Variants in RARB observed in about 807,000 individuals in gnomAD.
The protein encoded by RARB is retinoic acid receptor beta.
A neutral mutation model predicts 51.9 loss-of-function variants in RARB; 17 were observed. The ratio of observed to expected loss-of-function variants is 0.33; its 90% confidence interval spans 0.22 to 0.49. RARB has a LOEUF of 0.49. Ranked by LOEUF, RARB falls within the 20% of genes least tolerant of loss-of-function variation. The probability of loss-of-function intolerance (pLI) is 0.99; values close to 1 mark genes in which losing one functional copy is unlikely to be tolerated. For missense variants in RARB, 369 were observed against 550.8 expected (o/e 0.67, Z 3.30); for synonymous variants, 215 against 195.4 (o/e 1.10, Z -0.84).
intron 1 of RARB, among the ~76,000 whole-genome samples, chr3:25,429,988 G>C (rs1350503098): frequency 6.6e-6 from 1 of 152,186 alleles, no homozygotes; most frequent in Non-Finnish European, 1.5e-5. Context: ...CTAATAACAT[G>C]GTGGCTTATC....
chr3:25,214,854 T>C (rs1012183638), intron 5 of RARB, among the ~76,000 whole-genome samples: 10 of 152,320 alleles, frequency 6.6e-5, no homozygotes, highest in Admixed American at 2.6e-4. Flanking sequence ...GTAGTTAGCA[T>C]AGAAGAAGAC....
At chr3:25,521,122 C>T (rs1387330559) in intron 3 of RARB, among the ~76,000 whole-genome samples, 1 of 152,186 alleles carries the variant, frequency 6.6e-6, no homozygotes, top group Admixed American at 6.5e-5. Flanking sequence ...ATGTCTGGGT[C>T]TCCCCCATCA....
At chr3:25,558,503 C>T (rs1218096171) in intron 3 of RARB, among the ~76,000 whole-genome samples, 1 of 149,684 alleles carries the variant, frequency 6.7e-6, no homozygotes, top group Non-Finnish European at 1.5e-5. Flanking sequence ...CAACTACTAG[C>T]AATTCCCAAG....
intron 4 of RARB, among the ~76,000 whole-genome samples, chr3:25,153,943 G>A (rs1244952270): frequency 6.6e-6 from 1 of 152,230 alleles, no homozygotes; most frequent in Non-Finnish European, 1.5e-5. Flanking sequence ...GACATTTACT[G>A]AGGCTTCTGA....
chr3:25,098,389 A>G (rs768315744), intron 3 of RARB, among the ~76,000 whole-genome samples: 1 of 152,186 alleles, frequency 6.6e-6, no homozygotes. Flanking sequence ...ATCGTGCTGT[A>G]TTATTCATGC....
At chr3:25,162,520 A>T (rs899042335) in intron 4 of RARB, among the ~76,000 whole-genome samples, 1 of 152,164 alleles carries the variant, frequency 6.6e-6, no homozygotes, top group Non-Finnish European at 1.5e-5. Flanking sequence ...ATCACAATCT[A>T]ATTGCAGAAT....
intron 2 of RARB, among the ~76,000 whole-genome samples, chr3:25,006,765 A>G (rs1697280136): frequency 6.6e-6 from 1 of 152,170 alleles, no homozygotes; most frequent in African/African-American, 2.4e-5. Flanking sequence ...AGTTGAGACC[A>G]CTGTTACTCC....
rs542189219 is a variant in RARB, at chr3:25,536,284, T to C, written c.449-33474T>C. On this transcript the variant is annotated intron_variant, in intron 3 of 7. Transcript: ENST00000330688. ...AGTTAGAGACAAAGCCAGGCCTAGA[T>C]ACCATAGTCTGCAGAATTCCAGTCT... 1.2e-4 allele frequency among the ~76,000 whole-genome samples: 19 copies of C among 152,338 alleles called. No homozygotes were observed. The East Asian group carries it at 3.5e-3, about 28-fold the overall frequency.
chr3:25,005,870 A>T (rs75485375), intron 2 of RARB, among the ~76,000 whole-genome samples: 1 of 152,118 alleles, frequency 6.6e-6, no homozygotes, highest in African/African-American at 2.4e-5. Flanking sequence ...ACTTAGCATA[A>T]GAGTCAAAGT....
At chr3:24,930,893 G>A (rs1245737449) in intron 2 of RARB, among the ~76,000 whole-genome samples, 1 of 152,076 alleles carries the variant, frequency 6.6e-6, no homozygotes, top group Non-Finnish European at 1.5e-5. Context: ...CCCATTTGCA[G>A]TTCTAGTTAC....
At chr3:24,885,098 T>G (rs949438690) in intron 2 of RARB, among the ~76,000 whole-genome samples, 1 of 152,128 alleles carries the variant, frequency 6.6e-6, no homozygotes, top group African/African-American at 2.4e-5. Flanking sequence ...TTAGAATTAC[T>G]ACATAATTTA....
At chr3:25,561,877 T>C (rs1700282670) in intron 3 of RARB, among the ~76,000 whole-genome samples, 1 of 152,220 alleles carries the variant, frequency 6.6e-6, no homozygotes, top group Admixed American at 6.5e-5. Context: ...TACAAGCTTA[T>C]CTGGAACAGT....
At chr3:25,508,194 A>G (rs935365491) in intron 3 of RARB, among the ~76,000 whole-genome samples, 6 of 152,240 alleles carry the variant, frequency 3.9e-5, no homozygotes, top group African/African-American at 1.4e-4. Context: ...AAAGTCCCTA[A>G]GCACTCATTG....
At chr3:25,413,255 T>C (rs914382533) in intron 5 of RARB, among the ~76,000 whole-genome samples, 6 of 133,544 alleles carry the variant, frequency 4.5e-5, no homozygotes, top group African/African-American at 1.7e-4. Flanking sequence ...TTGTCTTTTT[T>C]CATGCAACAT....
chr3:24,966,225 T>C (rs549666781), intron 2 of RARB, among the ~76,000 whole-genome samples: 1 of 152,086 alleles, frequency 6.6e-6, no homozygotes, highest in South Asian at 2.1e-4. Flanking sequence ...TTATTGGAAT[T>C]TGGGAAACTA....
rs1704467222 is a variant in RARB, at chr3:25,317,806, A to G, written c.178+143231A>G. On this transcript the variant is annotated intron_variant, in intron 5 of 11. Coordinates refer to the RARB transcript ENST00000383772. ...GAATGTCTCCTACAAACTTAAGGCT[A>G]TTTTGAAATGCTTTTCTGGTATAAA... Among the ~76,000 whole-genome samples the G allele has an allele frequency of 1.3e-5, 2 of 152,172 alleles. 1 individual carries two copies. The highest frequency in any genetic ancestry group is 4.1e-4 in the South Asian group (2 of 4,826).
chr3:24,895,162 A>G (rs1252904380), intron 2 of RARB, among the ~76,000 whole-genome samples: 1 of 152,212 alleles, frequency 6.6e-6, no homozygotes. Flanking sequence ...TAAATGATAT[A>G]ATCTCTATTT....
chr3:25,094,445 A>G (rs911811753), intron 3 of RARB, among the ~76,000 whole-genome samples: 2 of 152,136 alleles, frequency 1.3e-5, no homozygotes, highest in African/African-American at 4.8e-5. Flanking sequence ...GACCAGGAGC[A>G]GTAGCTCACA....
chr3:24,867,877 C>A (rs570915547), intron 2 of RARB, among the ~76,000 whole-genome samples: 16 of 152,156 alleles, frequency 1.1e-4, no homozygotes, highest in Non-Finnish European at 2.2e-4. Flanking sequence ...TCATTGACTG[C>A]CATTGAGTTC....
Sources: allele counts gnomAD v4.1 joint callset (sites outside exome capture counted in the v4.1 genomes callset), GRCh38; gene constraint gnomAD v4.1.1; transcripts MANE v1.5; gene names NCBI Gene and HGNC (gene_info 2026-07-23, HGNC 2026-07-21).